The following IL19 variants were observed in gnomAD, a reference collection of about 807,000 sequenced individuals.
IL19 encodes interleukin-19.
A neutral mutation model predicts 19.5 loss-of-function variants in IL19; 15 were observed. That is an observed-to-expected ratio of 0.77 (90% CI 0.52 to 1.19). The LOEUF (loss-of-function observed/expected upper bound fraction) is 1.19, where lower values mean the gene tolerates loss of function less well. Ranked by LOEUF, IL19 falls within the 50% of genes most tolerant of loss-of-function variation. The probability of loss-of-function intolerance (pLI) is 0.00; values close to 1 mark genes in which losing one functional copy is unlikely to be tolerated. For missense variants in IL19, 199 were observed against 213.1 expected (o/e 0.93, Z 0.41); for synonymous variants, 78 against 78.3 (o/e 1.00, Z 0.02).
At chr1:206,786,077 C>G (rs182812012) in intron 1 of IL19, among the ~76,000 whole-genome samples, 1 of 152,034 alleles carries the variant, frequency 6.6e-6, no homozygotes, top group African/African-American at 2.4e-5. Context: ...AGCAAGCTGG[C>G]CTCACCAAAG....
intron 1 of IL19, chr1:206,772,339 AGTGG>A: frequency 6.2e-7 from 1 of 1,614,204 alleles, no homozygotes; most frequent in Non-Finnish European, 8.5e-7. Flanking sequence ...TTGCCTGGGA[AGTGG>A]GTGCAGCTGT....
At chr1:206,778,601 C>T (rs1277077246) in intron 1 of IL19, among the ~76,000 whole-genome samples, 2 of 152,172 alleles carry the variant, frequency 1.3e-5, no homozygotes, top group Non-Finnish European at 2.9e-5. Flanking sequence ...AAAGTCCTCC[C>T]CTTACTCTGC....
intron 2 of IL19, among the ~76,000 whole-genome samples, chr1:206,833,326 A>C (rs568274455): frequency 7.9e-5 from 12 of 152,326 alleles, no homozygotes; most frequent in Admixed American, 3.9e-4. Flanking sequence ...AGCAGAGGAG[A>C]CTTCCTTATA....
At chr1:206,786,960 A>G (rs766835094) in intron 1 of IL19, among the ~76,000 whole-genome samples, 12 of 151,992 alleles carry the variant, frequency 7.9e-5, no homozygotes, top group Non-Finnish European at 1.8e-4. Context: ...TTTTCAAAGC[A>G]CTCATTTTAT....
In IL19 at chr1:206,770,834, A is replaced by G. The variant is rs2102438938; in HGVS notation, c.-393A>G. The G allele has an allele frequency of 7.1e-7, 1 of 1,399,700 alleles. No individual in the cohort carries two copies. Among genetic ancestry groups the G allele is most frequent in the Middle Eastern group, 1.8e-4 (1 of 5,660 alleles). 86.7% of individuals were successfully genotyped at this position (1,399,700 alleles called of 1,614,324 possible). Reference sequence around the variant, plus strand: ...TGTCTTTGCTGTGTCTGTGGATGTGAGTGTCCCTGCTGGTCTGTAGGAGAT... The same window carrying G: ...TGTCTTTGCTGTGTCTGTGGATGTGGGTGTCCCTGCTGGTCTGTAGGAGAT... On this transcript the variant is annotated 5_prime_UTR_variant, in exon 1 of 7. It removes the in-frame stop codon of an upstream open reading frame in the 5' UTR. Transcript: ENST00000659997.
At chr1:206,798,829 G>T in intron 1 of IL19, 32 bp from the exon 2 acceptor site, 2 of 1,226,584 alleles carry the variant, frequency 1.6e-6, no homozygotes, top group Non-Finnish European at 2.4e-6. Context: ...GTACCTTTTT[G>T]TAATGATGAC....
intron 1 of IL19, among the ~76,000 whole-genome samples, chr1:206,773,810 C>A (rs1481087395): frequency 1.3e-5 from 2 of 152,152 alleles, no homozygotes; most frequent in Non-Finnish European, 2.9e-5. Context: ...TAGACTGTAA[C>A]TGGGAGGAAC....
At chr1:206,823,995 GGAAA>G (rs1676364828) in intron 2 of IL19, among the ~76,000 whole-genome samples, 1 of 152,182 alleles carries the variant, frequency 6.6e-6, no homozygotes, top group African/African-American at 2.4e-5. Flanking sequence ...GTCTTCAGAG[GGAAA>G]GAATGTTCTC....
At chr1:206,803,934 G>T (rs1268537992) in intron 2 of IL19, among the ~76,000 whole-genome samples, 3 of 152,186 alleles carry the variant, frequency 2.0e-5, no homozygotes, top group Non-Finnish European at 4.4e-5. Flanking sequence ...ATTGCTCTAG[G>T]AAATAGCACT....
intron 1 of IL19, among the ~76,000 whole-genome samples, chr1:206,796,225 A>C (rs906922123): frequency 3.9e-5 from 6 of 152,152 alleles, no homozygotes; most frequent in African/African-American, 1.4e-4. Flanking sequence ...TTCTACTGTT[A>C]CGCTTTGTAG....
chr1:206,836,660 G>T lies in IL19; in HGVS notation c.-2-1G>T. ...CAGCTGACTTCCTCTCCTTTCTGCA[G>T]GCATGAAGTTACAGTGTGTTTCCCT... On this transcript the variant is annotated splice_acceptor_variant, in intron 2 of 6. Transcript: ENST00000659997. LOFTEE classifies it low-confidence loss of function (5UTR_SPLICE). The T allele has an allele frequency of 1.2e-6, 2 of 1,600,322 alleles. No homozygotes were observed. Among genetic ancestry groups the T allele is most frequent in the Non-Finnish European group, 1.7e-6 (2 of 1,173,324 alleles).
At chr1:206,782,439 G>A (rs747424548) in intron 1 of IL19, among the ~76,000 whole-genome samples, 1 of 152,200 alleles carries the variant, frequency 6.6e-6, no homozygotes, top group African/African-American at 2.4e-5. Flanking sequence ...AGAAATCTCT[G>A]GGTGAGGACA....
chr1:206,777,361 C>G (rs1448419785), intron 1 of IL19, among the ~76,000 whole-genome samples: 1 of 146,684 alleles, frequency 6.8e-6, no homozygotes, highest in Non-Finnish European at 1.5e-5. Flanking sequence ...GAGCCGAGAT[C>G]GCGTCACTGC....
chr1:206,809,888 C>T (rs1057011986), intron 2 of IL19, among the ~76,000 whole-genome samples: 4 of 152,240 alleles, frequency 2.6e-5, no homozygotes, highest in South Asian at 2.1e-4. Flanking sequence ...TCAGCAATCA[C>T]CACCAGGTGT....
At chr1:206,778,861 T>C (rs1437630193) in intron 1 of IL19, among the ~76,000 whole-genome samples, 4 of 152,192 alleles carry the variant, frequency 2.6e-5, no homozygotes, top group Non-Finnish European at 4.4e-5. Flanking sequence ...AACCTCCACA[T>C]TTTTCTTCAT....
rs538171697 is a variant in IL19 at position 206,840,397 on chromosome 1, G to T, written c.363+395G>T. 3.2e-4 allele frequency: 102 copies of T among 319,494 alleles called. 1 individual carries two copies. In the East Asian group the frequency reaches 7.8e-3, roughly 25 times the overall value. 19.8% of individuals were successfully genotyped at this position (319,494 alleles called of 1,614,324 possible). On this transcript the variant is annotated intron_variant, in intron 5 of 6. Transcript: ENST00000659997. ...ATGGCCTATCCCTAAAGGTTACTTA[G>T]AAATTCATTGCGATCTATTTAAATC...
chr1:206,837,142 T>C (rs548048989), intron 4 of IL19, 119 bp downstream of exon 4: 3 of 772,958 alleles, frequency 3.9e-6, no homozygotes, highest in Admixed American at 5.2e-5. Flanking sequence ...GTACTCTAAA[T>C]GCACCAGGCT....
intron 2 of IL19, among the ~76,000 whole-genome samples, chr1:206,816,028 GAAAAC>G (rs145833692): frequency 8.6e-5 from 13 of 151,836 alleles, no homozygotes; most frequent in Non-Finnish European, 1.5e-4. Flanking sequence ...CTACTGTACT[GAAAAC>G]AAAACAAAAC....
At chr1:206,841,997 G>A (rs1039327690) in intron 6 of IL19, among the ~76,000 whole-genome samples, 1 of 152,226 alleles carries the variant, frequency 6.6e-6, no homozygotes, top group Non-Finnish European at 1.5e-5. Context: ...GCTGAGGAAG[G>A]AGGTGGAATA....
Sources: gnomAD v4.1 joint callset for allele counts (sites outside exome capture counted in the v4.1 genomes callset) on GRCh38, gnomAD v4.1.1 for gene constraint, MANE v1.5 for transcripts, NCBI Gene and HGNC (gene_info 2026-07-23, HGNC 2026-07-21) for gene names.